Variants in CRACD observed in about 807,000 individuals in gnomAD.
The protein encoded by CRACD is capping protein-inhibiting regulator of actin dynamics.
CRACD carries 56 observed loss-of-function variants against 106.8 expected under a neutral mutation model. The observed-to-expected ratio is 0.52, with a 90% CI of 0.42 to 0.66. CRACD has a LOEUF of 0.66. Ranked by LOEUF, CRACD falls within the 30% of genes least tolerant of loss-of-function variation. The probability of loss-of-function intolerance (pLI) is 0.00; values close to 1 mark genes in which losing one functional copy is unlikely to be tolerated. For missense variants in CRACD, 1,730 were observed against 1,623.2 expected (o/e 1.07, Z -1.13); for synonymous variants, 754 against 670.8 (o/e 1.12, Z -1.92).
At chr4:56,086,689 G>A (rs1229503826) in intron 1 of CRACD, among the ~76,000 whole-genome samples, 1 of 152,106 alleles carries the variant, frequency 6.6e-6, no homozygotes, top group Non-Finnish European at 1.5e-5. Context: ...GAAGTGTCCA[G>A]GTGCGTCACT....
intron 1 of CRACD, among the ~76,000 whole-genome samples, chr4:56,097,858 T>C (rs1265269091): frequency 6.6e-6 from 1 of 152,198 alleles, no homozygotes; most frequent in African/African-American, 2.4e-5. Flanking sequence ...TTTTCATTTA[T>C]GGTCTGGTTT....
intron 1 of CRACD, among the ~76,000 whole-genome samples, chr4:56,086,998 G>A (rs1403360149): frequency 6.6e-6 from 1 of 151,968 alleles, no homozygotes; most frequent in Admixed American, 6.6e-5. Flanking sequence ...CTTTTTGAAG[G>A]AGTACTAGGG....
At chr4:56,057,811 T>C (rs552655723) in intron 1 of CRACD, among the ~76,000 whole-genome samples, 34 of 60,228 alleles carry the variant, frequency 5.6e-4, no homozygotes, top group African/African-American at 1.4e-3. Flanking sequence ...TTTTTTTTTT[T>C]TTGTTTTTTT....
intron 1 of CRACD, among the ~76,000 whole-genome samples, chr4:56,127,429 T>G (rs1288248111): frequency 6.6e-6 from 1 of 152,176 alleles, no homozygotes; most frequent in Non-Finnish European, 1.5e-5. Flanking sequence ...TTTTCTTTTT[T>G]TAAGAACAAG....
intron 2 of CRACD, among the ~76,000 whole-genome samples, chr4:56,231,374 A>T (rs1292095643): frequency 6.6e-6 from 1 of 152,228 alleles, no homozygotes; most frequent in Non-Finnish European, 1.5e-5. Flanking sequence ...TTAAATAAAT[A>T]TCATGCAAAT....
intron 2 of CRACD, among the ~76,000 whole-genome samples, chr4:56,265,796 G>GGACT (rs1236663071): frequency 6.6e-6 from 1 of 152,068 alleles, no homozygotes; most frequent in African/African-American, 2.4e-5. Flanking sequence ...TGCTTAAAAG[G>GGACT]GACTATCATA....
intron 1 of CRACD, among the ~76,000 whole-genome samples, chr4:56,071,154 A>G (rs1732634822): frequency 6.6e-6 from 1 of 152,216 alleles, no homozygotes; most frequent in Admixed American, 6.5e-5. Flanking sequence ...TGAGAATCAA[A>G]TAACTTACTT....
chr4:56,099,913 G>A (rs956784056), intron 1 of CRACD, among the ~76,000 whole-genome samples: 21 of 152,160 alleles, frequency 1.4e-4, no homozygotes, highest in Middle Eastern at 3.2e-3. Context: ...TTTTCCAACA[G>A]GATTATTTCT....
intron 1 of CRACD, chr4:56,050,042 T>C (rs1400639732): frequency 2.0e-5 from 3 of 151,442 alleles, no homozygotes; most frequent in Non-Finnish European, 4.4e-5. Flanking sequence ...TTTTTTTTCA[T>C]GATTATCAGT....
At chr4:56,310,794 C>T (rs1745104418) in intron 6 of CRACD, 60 bp downstream of exon 6, 1 of 959,968 alleles carries the variant, frequency 1.0e-6, no homozygotes, top group Non-Finnish European at 1.6e-6. Context: ...CATCTTCCCC[C>T]CCCCTTTTTT....
intron 10 of CRACD, 111 bp downstream of exon 10, chr4:56,324,377 C>A: frequency 1.0e-6 from 1 of 983,884 alleles, no homozygotes; most frequent in Non-Finnish European, 1.5e-6. Context: ...CATTTCAAAG[C>A]ACAGGCTATC....
chr4:56,111,656 C>T (rs967717917), intron 1 of CRACD, among the ~76,000 whole-genome samples: 6 of 152,122 alleles, frequency 3.9e-5, no homozygotes, highest in Non-Finnish European at 5.9e-5. Context: ...ATTCTCCTGT[C>T]TCAGCCTCCT....
chr4:56,171,438 A>G (rs1020239969), intron 1 of CRACD, among the ~76,000 whole-genome samples: 2 of 152,156 alleles, frequency 1.3e-5, no homozygotes, highest in African/African-American at 4.8e-5. Flanking sequence ...AGCATCATAG[A>G]TTAGGGGGGC....
At chr4:56,105,839 G>T (rs984768920) in intron 1 of CRACD, among the ~76,000 whole-genome samples, 5 of 151,926 alleles carry the variant, frequency 3.3e-5, no homozygotes, top group Non-Finnish European at 7.4e-5. Context: ...TCCTGCTCTT[G>T]CTGTTCTGCA....
chr4:56,176,431 C>CTTTTTTTTT (rs3036818), intron 1 of CRACD, among the ~76,000 whole-genome samples: 2 of 137,222 alleles, frequency 1.5e-5, no homozygotes, highest in Non-Finnish European at 3.1e-5. Context: ...CTTCCAATTT[C>CTTTTTTTTT]TTTTTTTTTT....
chr4:56,311,125 A>G (rs1345025400), intron 6 of CRACD: 1 of 171,932 alleles, frequency 5.8e-6, no homozygotes, highest in African/African-American at 2.4e-5. Flanking sequence ...AAAACAAAAA[A>G]GCACTTTAGC....
chr4:56,313,162 T>G (rs764076906), intron 6 of CRACD, 35 bp from the exon 7 acceptor site: 3 of 1,587,846 alleles, frequency 1.9e-6, no homozygotes, highest in Non-Finnish European at 1.7e-6. Context: ...TGTCTTCTGA[T>G]CCCAACTGAC....
At chr4:56,170,601 G>C (rs559166959) in intron 1 of CRACD, among the ~76,000 whole-genome samples, 4 of 152,240 alleles carry the variant, frequency 2.6e-5, no homozygotes, top group African/African-American at 9.6e-5. Flanking sequence ...AGCACTTCAG[G>C]GAGGGAGAGA....
At chr4:56,066,423 A>G (rs1732469570) in intron 1 of CRACD, among the ~76,000 whole-genome samples, 2 of 152,136 alleles carry the variant, frequency 1.3e-5, no homozygotes, top group African/African-American at 4.8e-5. Context: ...CATGGCTGTA[A>G]TCCAAGCACT....
Sources: allele counts gnomAD v4.1 joint callset (sites outside exome capture counted in the v4.1 genomes callset), GRCh38; gene constraint gnomAD v4.1.1; transcripts MANE v1.5; gene names NCBI Gene and HGNC (gene_info 2026-07-23, HGNC 2026-07-21).